The following SLC4A11 variants were observed in gnomAD, a reference collection of about 807,000 sequenced individuals.
SLC4A11 encodes the protein solute carrier family 4 member 11, also known as bicarbonate transporter related protein 1.
Under a neutral mutation model 95.0 loss-of-function variants are expected in SLC4A11, and 74 were observed. That is an observed-to-expected ratio of 0.78 (90% CI 0.65 to 0.95). The LOEUF (loss-of-function observed/expected upper bound fraction) is 0.95, where lower values mean the gene tolerates loss of function less well. Among genes scored for constraint, SLC4A11 ranks in the 40% least tolerant of loss-of-function variants. The probability of loss-of-function intolerance (pLI) is 0.00; values close to 1 mark genes in which losing one functional copy is unlikely to be tolerated. For missense variants in SLC4A11, 1,081 were observed against 1,192.4 expected (o/e 0.91, Z 1.38); for synonymous variants, 548 against 519.0 (o/e 1.06, Z -0.76).
At chr20:3,229,060 G>GGGGGC in intron 16 of SLC4A11, 35 bp downstream of exon 16, 25 of 1,542,020 alleles carry the variant, frequency 1.6e-5, no homozygotes, top group Non-Finnish European at 1.8e-5. Context: ...AGAGGCCCGG[G>GGGGGC]CCCCGCCCAC....
chr20:3,230,814 G>C lies in SLC4A11; in HGVS notation c.1200C>G (p.Ile400Met), dbSNP rs746049400. The change falls in exon 11 of 20, where the codon ATC becomes ATG. Residue 400 changes from isoleucine (I) to methionine (M), a missense_variant. Around this residue, in one of 3 missense-constraint regions of SLC4A11, gnomAD observed 767 missense variants for 858.0 expected, o/e 0.89. Transcript: ENST00000642402. The part of the protein sequence containing the change: ...DVQKTIAGQS[I>M]GGLLYALFSG... ...AGAAGAGCGCGTAGAGCAGGCCCCC[G>C]ATGCTCTGCCCGGCTATGGTCTTCT... is the stretch of plus-strand genomic sequence containing the variant. 6.2e-7 allele frequency: 1 copy of C among 1,613,328 alleles called. No individual in the cohort carries two copies. The highest frequency in any genetic ancestry group is 1.7e-5 in the Admixed American group (1 of 60,028).
At chr20:3,230,906 A>AC in intron 10 of SLC4A11, 27 bp downstream of exon 10, 1 of 902,890 alleles carries the variant, frequency 1.1e-6, no homozygotes, top group Non-Finnish European at 1.7e-6. Flanking sequence ...GCATACCCCC[A>AC]CCCACCGCCC....
In SLC4A11 at chr20:3,234,567, C is replaced by A. The variant is rs750656470; in HGVS notation, c.291+1G>T. 1 of 1,613,840 alleles carries A rather than the reference C, an allele frequency of 6.2e-7. No individual in the cohort carries two copies. The highest frequency in any genetic ancestry group is 2.2e-5 in the East Asian group (1 of 44,854). On this transcript the variant is annotated splice_donor_variant, in intron 4 of 19. Coordinates refer to ENST00000642402, the MANE Select transcript of SLC4A11 (RefSeq NM_001174089.2). LOFTEE classifies it high-confidence loss of function. The surrounding 1 kb of genome is among the most constrained non-coding windows in gnomAD (Gnocchi z 5.8). ...GACCACCTGCAGGACAGGCCATTCA[C>A]CTTTCGGGAGGTGTGCAGGAGCACA... is the stretch of plus-strand genomic sequence containing the variant.
rs1299165054 is a variant in SLC4A11 at position 3,231,191 on chromosome 20, T to C, written c.1000A>G (p.Ile334Val). The C allele has an allele frequency of 3.7e-6, 6 of 1,613,932 alleles. No individual in the cohort carries two copies. In the African/African-American group the frequency reaches 6.7e-5, roughly 18 times the overall value. The change falls in exon 9 of 20, where the codon ATC becomes GTC. Residue 334 changes from isoleucine (I) to valine (V), a missense_variant. By Grantham distance (29) the Ile-to-Val change is conservative (BLOSUM62 3). Around this residue, in one of 3 missense-constraint regions of SLC4A11, gnomAD observed 767 missense variants for 858.0 expected, o/e 0.89. Coordinates refer to ENST00000642402, the MANE Select transcript of SLC4A11 (RefSeq NM_001174089.2). This position sits in a 1 kb window ranked among gnomAD's most constrained non-coding sequence, Gnocchi z 5.2. ...VPFGKGIRED[I>V]ARRFPLYPLD... Reference sequence around the variant, plus strand: ...GGGTACAAGGGGAACCTGCGTGCGATGTCCTCCCGGATGCCCTTCCCAAAA... The same window carrying C: ...GGGTACAAGGGGAACCTGCGTGCGACGTCCTCCCGGATGCCCTTCCCAAAA...
chr20:3,239,047 G>A, intron 1 of SLC4A11, 48 bp downstream of exon 1: 1 of 1,465,840 alleles, frequency 6.8e-7, no homozygotes, highest in East Asian at 3.0e-5. Flanking sequence ...AGACGGTGGC[G>A]GAGACCCGGG....
chr20:3,233,161 G>C (rs935209390), intron 7 of SLC4A11, among the ~76,000 whole-genome samples: 3 of 152,200 alleles, frequency 2.0e-5, no homozygotes, highest in African/African-American at 4.8e-5. Context: ...TCCCGGCCAG[G>C]GGGTGTGTGG....
At chr20:3,238,082 C>G (rs1262591524) in intron 1 of SLC4A11, 1 of 1,467,394 alleles carries the variant, frequency 6.8e-7, no homozygotes, top group African/African-American at 1.4e-5. Context: ...GCAGTTCCCC[C>G]GACCCCCGTC....
chr20:3,229,500 T>A (rs1193381120), intron 14 of SLC4A11, 24 bp downstream of exon 14: 1 of 1,611,994 alleles, frequency 6.2e-7, no homozygotes. Flanking sequence ...ATGCGGCCCC[T>A]CCCCTCCCCA....
Position 3,228,287 on chromosome 20 carries a change from G to A in SLC4A11, c.2530C>T (p.Leu844Phe), listed in dbSNP as rs947617914. 1 of 1,612,972 alleles carries A rather than the reference G, an allele frequency of 6.2e-7. No individual in the cohort carries two copies. Among genetic ancestry groups the A allele is most frequent in the Non-Finnish European group, 8.5e-7 (1 of 1,179,946 alleles). The change falls in exon 19 of 20, where the codon CTC becomes TTC. Residue 844 changes from leucine to phenylalanine, a missense_variant. By Grantham distance (22) the Leu-to-Phe change is conservative. This residue lies in a region of SLC4A11 where 767 missense variants were observed against 858.0 expected (regional missense o/e 0.89). Transcript: ENST00000642402. ...ATGGGGATCATGGCGATCATGATGA[G>A]GGGAAAGATCATCTTCATGTAGGGC... ...SLPYMKMIFP[L>F]IMIAMIPIRY...
chr20:3,239,179 T>C lies in SLC4A11; in HGVS notation c.-42A>G. 1 of 1,428,474 alleles carries C rather than the reference T, an allele frequency of 7.0e-7. No homozygotes were observed. Among genetic ancestry groups the C allele is most frequent in the Non-Finnish European group, 9.2e-7 (1 of 1,091,556 alleles). 88.5% of individuals were successfully genotyped at this position (1,428,474 alleles called of 1,614,324 possible). ...CACGGCCGGGCTCCTCACGCGGCGC[T>C]CCGGCGCTTCTGGACCCCAAACTCG... On this transcript the variant is annotated 5_prime_UTR_variant, in exon 1 of 20. Coordinates refer to ENST00000642402, the MANE Select transcript of SLC4A11 (RefSeq NM_001174089.2).
Position 3,227,701 on chromosome 20 carries a change from CACACCT to C in SLC4A11, c.*80_*85del. The C allele has an allele frequency of 7.0e-7, 1 of 1,438,452 alleles. No individual in the cohort carries two copies. Among genetic ancestry groups the C allele is most frequent in the East Asian group, 2.3e-5 (1 of 43,318 alleles). 89.1% of individuals were successfully genotyped at this position (1,438,452 alleles called of 1,614,324 possible). ...AGGCGCAGCACAGAGCAGTCACCCACACACCTACACCTCCCCTCACAGCTCCAGAGC... is the reference window on the plus strand; with the variant it reads ...AGGCGCAGCACAGAGCAGTCACCCACACACCTCCCCTCACAGCTCCAGAGC... On this transcript the variant is annotated 3_prime_UTR_variant, in exon 20 of 20. Transcript: ENST00000642402.
rs535836959 is a variant in SLC4A11, at chr20:3,230,976, G to A, written c.1125C>T (p.Ile375=). 26 of 1,613,520 alleles carry A rather than the reference G, an allele frequency of 1.6e-5. No homozygotes were observed. The highest frequency in any genetic ancestry group is 6.7e-5 in the Admixed American group (4 of 59,998). ...TCTCGTCATTGAGAGACCCGAAAGCGATGGTGGGCAGGAGGCAGGCGAAGT... is the reference window on the plus strand; with the variant it reads ...TCTCGTCATTGAGAGACCCGAAAGCAATGGTGGGCAGGAGGCAGGCGAAGT... ...FLYFACLLPT[I]AFGSLNDENT... Residue 375 remains isoleucine (I), a synonymous_variant, in exon 10 of 20, where the codon ATC becomes ATT. Transcript: ENST00000642402.
chr20:3,227,907 T>C (rs910970057), intron 19 of SLC4A11, 51 bp from the exon 20 acceptor site: 1 of 1,572,066 alleles, frequency 6.4e-7, no homozygotes, highest in Non-Finnish European at 8.7e-7. Context: ...GAGAAGGCAG[T>C]GGACACCCAT....
rs374576709 is a variant in SLC4A11, at chr20:3,234,360, T to A, written c.292-46A>T. 4.5e-6 allele frequency: 7 copies of A among 1,565,680 alleles called. No individual in the cohort carries two copies. Among genetic ancestry groups the A allele is most frequent in the Non-Finnish European group, 6.1e-6 (7 of 1,140,024 alleles). On this transcript the variant is annotated intron_variant, in intron 4 of 19. Coordinates refer to ENST00000642402, the MANE Select transcript of SLC4A11 (RefSeq NM_001174089.2). This position sits in a 1 kb window ranked among gnomAD's most constrained non-coding sequence, Gnocchi z 5.8. The stretch of plus-strand genomic sequence containing the variant: ...GAACCACACGGGCCCATGTATGAGA[T>A]GCTGTCACTGCCTGGTCCCTCCCTC...
intron 1 of SLC4A11, 73 bp downstream of exon 1, chr20:3,239,022 G>T (rs1165278676): frequency 1.1e-5 from 16 of 1,443,210 alleles, no homozygotes; most frequent in Non-Finnish European, 1.1e-5. Context: ...CGTTCTCCCC[G>T]GGGTCCCCGA....
upstream of SLC4A11, chr20:3,239,250 G>C (rs961166511): frequency 7.9e-7 from 1 of 1,269,784 alleles, no homozygotes; most frequent in Non-Finnish European, 9.9e-7. Flanking sequence ...ACACCCCCAC[G>C]CCGCGCCTGG....
chr20:3,229,273 G>A lies in SLC4A11; in HGVS notation c.1850-10C>T. On this transcript the variant is annotated splice_polypyrimidine_tract_variant and intron_variant, in intron 15 of 19. Coordinates refer to ENST00000642402, the MANE Select transcript of SLC4A11 (RefSeq NM_001174089.2). ...TAGCGGAACTTGCTCACTGCAGTAG[G>A]GGACAGGCTACTGCTATGCCTGCAG... The A allele has an allele frequency of 4.3e-6, 7 of 1,613,010 alleles. No homozygotes were observed. Among genetic ancestry groups the A allele is most frequent in the Non-Finnish European group, 5.9e-6 (7 of 1,179,930 alleles).
chr20:3,227,754 G>T lies in SLC4A11; in HGVS notation c.*33C>A. The T allele has an allele frequency of 6.2e-7, 1 of 1,609,178 alleles. No individual in the cohort carries two copies. Among genetic ancestry groups the T allele is most frequent in the Middle Eastern group, 1.7e-4 (1 of 6,050 alleles). On this transcript the variant is annotated 3_prime_UTR_variant, in exon 20 of 20. Transcript: ENST00000642402. ...GAGCCAGCCTGGGAGGACGTGGAGG[G>T]CTGGCGAATGGGGCGTGGGCAGGGT...
At chr20:3,230,070 G>T in intron 13 of SLC4A11, 117 bp downstream of exon 13, 1 of 1,306,898 alleles carries the variant, frequency 7.7e-7, no homozygotes, top group Non-Finnish European at 1.1e-6. Context: ...CCGCACCCTT[G>T]ATCACGGGCA....
Sources: allele counts gnomAD v4.1 joint callset (sites outside exome capture counted in the v4.1 genomes callset), GRCh38; gene constraint gnomAD v4.1.1; regional missense constraint gnomAD v4.1.1; non-coding constraint Gnocchi (gnomAD v3.1); transcripts MANE v1.5; gene names NCBI Gene and HGNC (gene_info 2026-07-23, HGNC 2026-07-21).